RIMS2: variants seen among roughly 807,000 people sequenced by gnomAD.
RIMS2 encodes the protein regulating synaptic membrane exocytosis 2.
RIMS2 carries 59 observed loss-of-function variants against 174.4 expected under a neutral mutation model. The ratio of observed to expected loss-of-function variants is 0.34; its 90% CI spans 0.27 to 0.42. The LOEUF is 0.42. Among genes scored for constraint, RIMS2 ranks in the 10% least tolerant of loss-of-function variants. The pLI is 1.00. For missense variants in RIMS2, 1,620 were observed against 1,666.3 expected (o/e 0.97, Z 0.48); for synonymous variants, 606 against 572.5 (o/e 1.06, Z -0.84).
intron 19 of RIMS2, among the ~76,000 whole-genome samples, chr8:104,225,221 T>G (rs1159118697): frequency 6.6e-6 from 1 of 152,192 alleles, no homozygotes; most frequent in Non-Finnish European, 1.5e-5. Flanking sequence ...ATTTCACAAA[T>G]GAGAAGACTG....
chr8:103,845,957 A>G (rs893906781), intron 3 of RIMS2, among the ~76,000 whole-genome samples: 1 of 152,144 alleles, frequency 6.6e-6, no homozygotes, highest in Non-Finnish European at 1.5e-5. Flanking sequence ...CGTAATACTT[A>G]CTGGTGACCT....
chr8:103,715,662 T>C lies in RIMS2; in HGVS notation c.387+18366T>C, dbSNP rs78465998. Among the ~76,000 whole-genome samples the C allele has an allele frequency of 3.6e-3, 543 of 152,238 alleles. 31 individuals are homozygous for C. In the East Asian group the frequency reaches 0.098, roughly 27 times the overall value. On this transcript the variant is annotated intron_variant, in intron 2 of 23. Coordinates refer to ENST00000504942, the Ensembl canonical transcript of RIMS2. ...TATTTAAATCACCTTTTGACCAAAATATGTATTTTCTCATTTTATTTTCCA... is the reference window on the plus strand; with the variant it reads ...TATTTAAATCACCTTTTGACCAAAACATGTATTTTCTCATTTTATTTTCCA...
At chr8:103,614,687 C>T (rs1440597549) in intron 1 of RIMS2, among the ~76,000 whole-genome samples, 3 of 152,152 alleles carry the variant, frequency 2.0e-5, no homozygotes, top group Non-Finnish European at 2.9e-5. Context: ...CTCAAGTTTC[C>T]AAAATTAATC....
At chr8:103,733,890 C>A (rs950968570) in intron 2 of RIMS2, among the ~76,000 whole-genome samples, 1 of 151,968 alleles carries the variant, frequency 6.6e-6, no homozygotes, top group Non-Finnish European at 1.5e-5. Flanking sequence ...TGATTGCTCA[C>A]CTGCTTTGGG....
chr8:103,746,958 G>T (rs1238854251), intron 2 of RIMS2, among the ~76,000 whole-genome samples: 1 of 151,954 alleles, frequency 6.6e-6, no homozygotes. Flanking sequence ...GGAATTACAG[G>T]AGTTCCCACT....
chr8:103,608,486 C>A lies in RIMS2; in HGVS notation c.177-88600C>A, dbSNP rs1382852790. Among the ~76,000 whole-genome samples the A allele has an allele frequency of 1.4e-5, 2 of 144,378 alleles. 1 individual carries two copies. Among genetic ancestry groups the A allele is most frequent in the Non-Finnish European group, 3.1e-5 (2 of 65,534 alleles). The allele number at this position is 144,378 out of a possible 152,430, so 94.7% of individuals were successfully genotyped here. A position where few individuals can be genotyped will look rare whatever the true frequency, so the allele number is the denominator to read the frequency against. On this transcript the variant is annotated intron_variant, in intron 1 of 23. Coordinates refer to ENST00000504942, the Ensembl canonical transcript of RIMS2. ...CCCCCAGAGGTGGAGCCTACAGAGG[C>A]AGGCAGGCCTCCTTGAGCTGTGGTG...
intron 1 of RIMS2, among the ~76,000 whole-genome samples, chr8:103,565,803 C>G (rs749280913): frequency 1.3e-5 from 2 of 152,150 alleles, no homozygotes; most frequent in Admixed American, 6.5e-5. Flanking sequence ...ACCCCAGCCA[C>G]TGTCCCGGTT....
At chr8:103,944,558 A>G (rs1048550920) in intron 14 of RIMS2, among the ~76,000 whole-genome samples, 9 of 151,754 alleles carry the variant, frequency 5.9e-5, no homozygotes, top group Non-Finnish European at 1.5e-5. Context: ...AACATTTTTC[A>G]TTTTTTTCCC....
intron 1 of RIMS2, among the ~76,000 whole-genome samples, chr8:103,649,095 A>G (rs2096400600): frequency 6.6e-6 from 1 of 152,032 alleles, no homozygotes; most frequent in African/African-American, 2.4e-5. Flanking sequence ...TCTTTTCCAT[A>G]TTTAGTGCTT....
intron 4 of RIMS2, 85 bp downstream of exon 7, chr8:103,886,308 T>A (rs1565126746): frequency 7.5e-6 from 8 of 1,060,360 alleles, no homozygotes; most frequent in Non-Finnish European, 9.3e-6. Context: ...GAAAATTTAA[T>A]AGGTATTACT....
At chr8:104,024,874 A>G (rs1235399251) in intron 19 of RIMS2, among the ~76,000 whole-genome samples, 1 of 152,180 alleles carries the variant, frequency 6.6e-6, no homozygotes, top group African/African-American at 2.4e-5. Context: ...ATTACCTGTC[A>G]TAGTATTTCA....
intron 1 of RIMS2, among the ~76,000 whole-genome samples, chr8:103,594,805 G>A (rs1220124419): frequency 6.6e-6 from 1 of 151,760 alleles, no homozygotes; most frequent in African/African-American, 2.4e-5. Flanking sequence ...ATCTTTAGAT[G>A]TGTTTCTAAG....
intron 2 of RIMS2, among the ~76,000 whole-genome samples, chr8:103,705,834 CTT>C (rs1282375110): frequency 7.1e-6 from 1 of 141,684 alleles, no homozygotes. Context: ...ATATTTGGAT[CTT>C]TTTTTTTTTT....
intron 3 of RIMS2, among the ~76,000 whole-genome samples, chr8:103,819,934 T>C (rs2098741576): frequency 6.6e-6 from 1 of 152,128 alleles, no homozygotes; most frequent in African/African-American, 2.4e-5. Context: ...ATAGATGTTT[T>C]CTTTGTGATC....
At chr8:103,521,297 TA>T (rs1234269889) in intron 1 of RIMS2, among the ~76,000 whole-genome samples, 4 of 151,592 alleles carry the variant, frequency 2.6e-5, no homozygotes, top group African/African-American at 9.7e-5. Flanking sequence ...ATAATAAAAT[TA>T]AAAAAAACCA....
chr8:103,886,133 T>C (rs2099199433), exon 4 of RIMS2: 2 of 1,612,888 alleles, frequency 1.2e-6, no homozygotes, highest in South Asian at 2.2e-5. Context: ...CCAGATTTCG[T>C]TGAGCAGTTC....
intron 19 of RIMS2, chr8:104,094,658 C>A (rs192534128): frequency 4.8e-4 from 337 of 701,020 alleles, no homozygotes; most frequent in Middle Eastern, 3.4e-3. Flanking sequence ...AAGATATACA[C>A]GAGCAAGGGA....
At chr8:104,148,739 C>G (rs750400580) in intron 19 of RIMS2, 14 of 1,598,332 alleles carry the variant, frequency 8.8e-6, no homozygotes, top group Non-Finnish European at 1.2e-5. Context: ...CTGCAGTGGG[C>G]ACCTTGGGCA....
intron 16 of RIMS2, chr8:103,976,548 C>CTTTTTCT (rs1555075311): frequency 0.12 from 14,516 of 124,546 alleles, 1,072 homozygotes; most frequent in Non-Finnish European, 0.16. Context: ...TTTTCTTTTT[C>CTTTTTCT]TTTTTTTTTT....
Sources: allele counts gnomAD v4.1 joint callset (sites outside exome capture counted in the v4.1 genomes callset), GRCh38; gene constraint gnomAD v4.1.1; transcripts MANE v1.5; gene names NCBI Gene and HGNC (gene_info 2026-07-23, HGNC 2026-07-21).